CDH8: variants seen among roughly 807,000 people sequenced by gnomAD.
The protein encoded by CDH8 is cadherin-8.
A neutral mutation model predicts 68.1 loss-of-function variants in CDH8; 17 were observed. That is an observed-to-expected ratio of 0.25 (90% confidence interval 0.17 to 0.37). The LOEUF (loss-of-function observed/expected upper bound fraction) is 0.37. Ranked by LOEUF, CDH8 falls within the 10% of genes least tolerant of loss-of-function variation. The pLI is 1.00. For missense variants in CDH8, 763 were observed against 999.3 expected, an observed-to-expected ratio of 0.76 and a Z score of 3.19; for synonymous variants, 372 against 365.1, an observed-to-expected ratio of 1.02 and a Z score of -0.21.
At chr16:61,750,084 G>A (rs367547339) in intron 8 of CDH8, among the ~76,000 whole-genome samples, 9 of 151,838 alleles carry the variant, frequency 5.9e-5, no homozygotes, top group Non-Finnish European at 1.0e-4. Context: ...TCTAGTAGTC[G>A]TCAGTGTCTA....
intron 8 of CDH8, among the ~76,000 whole-genome samples, chr16:61,748,644 T>G (rs1960084533): frequency 6.6e-6 from 1 of 151,972 alleles, no homozygotes; most frequent in Non-Finnish European, 1.5e-5. Context: ...CCACCCAAAT[T>G]CCTGTCTCTC....
intron 3 of CDH8, among the ~76,000 whole-genome samples, chr16:61,896,574 G>A (rs56090900): frequency 0.027 from 4,059 of 152,254 alleles, 178 homozygotes; most frequent in African/African-American, 0.092. Context: ...AGAAAAAAGC[G>A]ATGGTAGCTG....
At chr16:61,954,627 G>A (rs868531212) in intron 2 of CDH8, among the ~76,000 whole-genome samples, 3 of 150,940 alleles carry the variant, frequency 2.0e-5, no homozygotes, top group South Asian at 2.1e-4. Context: ...GCGTGAACCC[G>A]GAGGCAGAGC....
chr16:61,669,475 G>C (rs1167207361), intron 10 of CDH8, among the ~76,000 whole-genome samples: 2 of 151,990 alleles, frequency 1.3e-5, no homozygotes, highest in East Asian at 3.9e-4. Context: ...TGTTATATGT[G>C]TCACTATAAA....
intron 8 of CDH8, among the ~76,000 whole-genome samples, chr16:61,744,987 T>C (rs1959978173): frequency 6.6e-6 from 1 of 151,400 alleles, no homozygotes. Flanking sequence ...ATCTTCTTTC[T>C]TTTCTATATT....
chr16:61,883,727 C>T lies in CDH8; in HGVS notation c.547+17452G>A, dbSNP rs149511995. On this transcript the variant is annotated intron_variant, in intron 3 of 11. Transcript: ENST00000577390. ...CTAAGAGGTGGATTCAATGCTCTGACCAAGGAAAGTAGCAGGGATTTACAA... is the reference window on the plus strand; with the variant it reads ...CTAAGAGGTGGATTCAATGCTCTGATCAAGGAAAGTAGCAGGGATTTACAA... Among the ~76,000 whole-genome samples, 306 of 151,124 alleles carry T rather than the reference C, an allele frequency of 2.0e-3. 11 individuals carry two copies. The East Asian group carries it at 0.055, about 27-fold the overall frequency.
intron 2 of CDH8, among the ~76,000 whole-genome samples, chr16:62,010,797 G>A (rs956916250): frequency 1.3e-5 from 2 of 151,908 alleles, no homozygotes; most frequent in African/African-American, 4.8e-5. Context: ...AAAAAAATTA[G>A]CCGGCCATGG....
chr16:61,931,464 T>A (rs575276645), intron 2 of CDH8, among the ~76,000 whole-genome samples: 1 of 152,298 alleles, frequency 6.6e-6, no homozygotes, highest in Non-Finnish European at 1.5e-5. Flanking sequence ...GCATGAGCCA[T>A]TGCACTCAGC....
chr16:61,801,455 T>G (rs1488262749), intron 7 of CDH8, among the ~76,000 whole-genome samples: 1 of 151,884 alleles, frequency 6.6e-6, no homozygotes, highest in African/African-American at 2.4e-5. Context: ...TCAGTAAAAT[T>G]GGAGGAGCCA....
At position 61,653,952 on chromosome 16, in the gene CDH8, G is replaced by T. The variant is rs1194783661; in HGVS notation, c.2056C>A (p.Gln686Lys). The change falls in exon 12 of 12, where the codon CAA becomes AAA. Residue 686 changes from glutamine (Q) to lysine (K), a missense_variant. This residue lies in a region of CDH8 where 397 missense variants were observed against 436.2 expected (regional missense o/e 0.91). Coordinates refer to ENST00000577390, the MANE Select transcript of CDH8 (RefSeq NM_001796.5). ...DTEAFDIATL[Q>K]NPDGINGFLP... is the part of the protein sequence containing the mutation. The stretch of plus-strand genomic sequence containing the variant: ...AATCCATTAATTCCATCTGGATTTT[G>T]TAAAGTTGCAATGTCAAAAGCCTCT... The T allele has an allele frequency of 1.2e-6, 2 of 1,614,146 alleles. No individual in the cohort carries two copies. Among genetic ancestry groups the T allele is most frequent in the South Asian group, 2.2e-5 (2 of 91,082 alleles).
intron 1 of CDH8, among the ~76,000 whole-genome samples, chr16:62,034,143 A>G (rs76387048): frequency 0.025 from 3,769 of 151,972 alleles, 161 homozygotes; most frequent in African/African-American, 0.087. Context: ...TTCTCTCTGT[A>G]GAAGAATCCC....
chr16:61,709,526 G>C (rs1964590250), intron 10 of CDH8, among the ~76,000 whole-genome samples: 1 of 152,120 alleles, frequency 6.6e-6, no homozygotes, highest in South Asian at 2.1e-4. Flanking sequence ...GCTGATGGTA[G>C]TCAAAAATGC....
chr16:61,986,498 A>T (rs2150586195), intron 2 of CDH8, among the ~76,000 whole-genome samples: 1 of 152,288 alleles, frequency 6.6e-6, no homozygotes, highest in South Asian at 2.1e-4. Context: ...CTGTAAAAGA[A>T]ACATGGTCTA....
intron 4 of CDH8, among the ~76,000 whole-genome samples, chr16:61,851,351 A>T (rs1962933990): frequency 6.6e-6 from 1 of 152,100 alleles, no homozygotes. Flanking sequence ...GAGTTTCAAA[A>T]AAAGGTCAAT....
At chr16:61,772,911 A>G (rs908574134) in intron 8 of CDH8, among the ~76,000 whole-genome samples, 1 of 151,982 alleles carries the variant, frequency 6.6e-6, no homozygotes, top group Non-Finnish European at 1.5e-5. Flanking sequence ...TCACTACTCC[A>G]TTCATAACCT....
At chr16:61,710,578 T>G (rs1964612343) in intron 10 of CDH8, among the ~76,000 whole-genome samples, 1 of 152,100 alleles carries the variant, frequency 6.6e-6, no homozygotes, top group Admixed American at 6.6e-5. Flanking sequence ...ATAACCAAAC[T>G]ATAACTAAAT....
Position 62,029,856 on chromosome 16 carries a change from T to G in CDH8, c.-200+6224A>C, listed in dbSNP as rs141478238. Among the ~76,000 whole-genome samples the G allele has an allele frequency of 1.1e-4, 17 of 152,332 alleles. No individual in the cohort carries two copies. The East Asian group carries it at 3.3e-3, about 29-fold the overall frequency. ...CTCGTCAGAGATTGCAACTAACTTTTTCTATTTATTTCAAGAAACTTTAGC... is the reference window on the plus strand; with the variant it reads ...CTCGTCAGAGATTGCAACTAACTTTGTCTATTTATTTCAAGAAACTTTAGC... On this transcript the variant is annotated intron_variant, in intron 1 of 11. Coordinates refer to ENST00000577390, the MANE Select transcript of CDH8 (RefSeq NM_001796.5).
At chr16:61,713,464 A>G (rs948074193) in intron 10 of CDH8, among the ~76,000 whole-genome samples, 2 of 151,714 alleles carry the variant, frequency 1.3e-5, no homozygotes, top group African/African-American at 2.4e-5. Flanking sequence ...TTCCCTAAAG[A>G]CGTGGTAAAC....
At chr16:61,895,252 C>A (rs11647140) in intron 3 of CDH8, among the ~76,000 whole-genome samples, 42,303 of 151,858 alleles carry the variant, frequency 0.28, 6,020 homozygotes, top group South Asian at 0.32. Flanking sequence ...CTCTTATAAA[C>A]AGAATTATCT....
Sources: allele counts gnomAD v4.1 joint callset (sites outside exome capture counted in the v4.1 genomes callset), GRCh38; gene constraint gnomAD v4.1.1; regional missense constraint gnomAD v4.1.1; transcripts MANE v1.5; gene names NCBI Gene and HGNC (gene_info 2026-07-23, HGNC 2026-07-21).